The following SRGAP3 variants were observed in gnomAD, a reference collection of about 807,000 sequenced individuals.
SRGAP3 encodes SLIT-ROBO Rho GTPase activating protein 3, also known as SLIT-ROBO Rho GTPase-activating protein 3.
Under a neutral mutation model 121.1 loss-of-function variants are expected in SRGAP3, and 39 were observed. That is an observed-to-expected ratio of 0.32 (90% CI 0.25 to 0.42). The LOEUF is 0.42. Ranked by LOEUF, SRGAP3 falls within the 10% of genes least tolerant of loss-of-function variation. SRGAP3 has a pLI of 1.00. For missense variants in SRGAP3, 1,213 were observed against 1,470.6 expected, an observed-to-expected ratio of 0.82 and a Z score of 2.86; for synonymous variants, 601 against 570.0, an observed-to-expected ratio of 1.05 and a Z score of -0.77.
In SRGAP3 at chr3:9,188,729, T is replaced by C. The variant is rs535845936; in HGVS notation, c.67+60156A>G. Among the ~76,000 whole-genome samples the C allele has an allele frequency of 6.6e-5, 10 of 152,330 alleles. No individual in the cohort carries two copies. In the South Asian group the frequency reaches 2.1e-3, roughly 32 times the overall value. On this transcript the variant is annotated intron_variant, in intron 1 of 21. Coordinates refer to ENST00000383836, the MANE Select transcript of SRGAP3 (RefSeq NM_014850.4). Reference sequence around the variant, plus strand: ...TGTGATCACTTCATTCCCTCCTTGATTGCTTTTCAAAAGCAATCTAAATTA... The same window carrying C: ...TGTGATCACTTCATTCCCTCCTTGACTGCTTTTCAAAAGCAATCTAAATTA...
At chr3:9,215,345 T>A (rs1952580302) in intron 1 of SRGAP3, among the ~76,000 whole-genome samples, 1 of 145,910 alleles carries the variant, frequency 6.9e-6, no homozygotes, top group South Asian at 2.3e-4. Context: ...AAGCCCTCAC[T>A]TTACAGATGG....
chr3:9,131,006 A>C (rs1302410465), intron 1 of SRGAP3, among the ~76,000 whole-genome samples: 2 of 152,228 alleles, frequency 1.3e-5, no homozygotes, highest in African/African-American at 4.8e-5. Context: ...TTCTTGCAGG[A>C]AATGGCCCTG....
intron 3 of SRGAP3, among the ~76,000 whole-genome samples, chr3:9,093,093 C>T (rs1437598449): frequency 6.6e-6 from 1 of 152,148 alleles, no homozygotes; most frequent in Admixed American, 6.5e-5. Flanking sequence ...CTATGAAAAC[C>T]TGAAGCTGCT....
intron 4 of SRGAP3, among the ~76,000 whole-genome samples, chr3:9,073,898 G>A (rs1005457736): frequency 6.6e-6 from 1 of 152,214 alleles, no homozygotes; most frequent in Non-Finnish European, 1.5e-5. Context: ...AAGGAGACAT[G>A]GCTAACTGGA....
At chr3:9,292,825 G>A (rs1261068669) in intron 3 of SRGAP3, 1 of 151,962 alleles carries the variant, frequency 6.6e-6, no homozygotes, top group Non-Finnish European at 1.5e-5. Flanking sequence ...TGCTCTCTAA[G>A]ACCCTTGGGA....
intron 3 of SRGAP3, among the ~76,000 whole-genome samples, chr3:9,308,714 A>T (rs1955196711): frequency 6.6e-6 from 1 of 152,184 alleles, no homozygotes; most frequent in Non-Finnish European, 1.5e-5. Flanking sequence ...TATAAAAGGA[A>T]GCAGAGGCTG....
intron 3 of SRGAP3, among the ~76,000 whole-genome samples, chr3:9,305,361 CTCT>C (rs1396981061): frequency 3.9e-4 from 49 of 125,680 alleles, no homozygotes; most frequent in African/African-American, 1.6e-3. Context: ...AGGAGGTCCT[CTCT>C]TTTTTTTTTT....
chr3:9,194,656 G>A (rs1049781919), intron 1 of SRGAP3, among the ~76,000 whole-genome samples: 3 of 152,326 alleles, frequency 2.0e-5, no homozygotes, highest in Admixed American at 2.0e-4. Context: ...AAACAGAGAT[G>A]TAAAACAACC....
At chr3:9,360,274 T>C (rs2030724434) in intron 1 of SRGAP3, among the ~76,000 whole-genome samples, 1 of 152,200 alleles carries the variant, frequency 6.6e-6, no homozygotes. Context: ...TCTTCTTGGG[T>C]ATAAAGCTAT....
chr3:9,285,881 G>A (rs899338197), intron 3 of SRGAP3, among the ~76,000 whole-genome samples: 3 of 152,064 alleles, frequency 2.0e-5, no homozygotes, highest in African/African-American at 7.2e-5. Context: ...GCTGAGGTGG[G>A]AGGATCGATT....
rs1305812976 is a variant in SRGAP3, at chr3:9,009,124, T to C, written c.2227+1184A>G. On this transcript the variant is annotated intron_variant, in intron 18 of 21. Transcript: ENST00000383836. The stretch of plus-strand genomic sequence containing the variant: ...ATAGGAACTTACTCTCTCTTAAGCT[T>C]AAGTTGATTTGAGTTGGGGGTTCTG... Among the ~76,000 whole-genome samples the C allele has an allele frequency of 2.6e-5, 4 of 152,284 alleles. No homozygotes were observed. The East Asian group carries it at 7.7e-4, about 29-fold the overall frequency.
intron 3 of SRGAP3, among the ~76,000 whole-genome samples, chr3:9,254,895 A>AAGG (rs1559245473): frequency 8.7e-5 from 13 of 149,172 alleles, no homozygotes; most frequent in East Asian, 2.0e-4. Flanking sequence ...GAAAGAAAAG[A>AAGG]AAGGAAGGAA....
chr3:9,213,414 G>A (rs1952511395), intron 1 of SRGAP3, among the ~76,000 whole-genome samples: 1 of 152,022 alleles, frequency 6.6e-6, no homozygotes. Context: ...AGAGCAAAGG[G>A]GAAACACAAG....
intron 3 of SRGAP3, among the ~76,000 whole-genome samples, chr3:9,261,644 T>C (rs1954257812): frequency 6.8e-6 from 1 of 146,470 alleles, no homozygotes; most frequent in South Asian, 2.2e-4. Context: ...AAGACAAGAT[T>C]AGAGAAAAAA....
At chr3:9,025,031 A>G (rs1338914252) in intron 14 of SRGAP3, among the ~76,000 whole-genome samples, 6 of 152,202 alleles carry the variant, frequency 3.9e-5, no homozygotes, top group Non-Finnish European at 8.8e-5. Context: ...TTGGCAGGTA[A>G]CAATTAGAAC....
intron 2 of SRGAP3, among the ~76,000 whole-genome samples, chr3:9,123,370 AAAATATAT>A (rs56047910): frequency 0.57 from 77,188 of 136,036 alleles, 20,106 homozygotes; most frequent in Non-Finnish European, 0.59. Flanking sequence ...TCACAATTAA[AAAATATAT>A]ATATATATAT....
Position 9,267,354 on chromosome 3 carries a change from A to G in SRGAP3, n.442+58656T>C, listed in dbSNP as rs140659957. 7.9e-5 allele frequency among the ~76,000 whole-genome samples: 12 copies of G among 152,322 alleles called. No individual in the cohort carries two copies. The East Asian group carries it at 2.1e-3, about 27-fold the overall frequency. ...AAATATGGGATAAAAACCAGAAATGATGGTTGAGAGATGAGATCAACTACA... is the reference window on the plus strand; with the variant it reads ...AAATATGGGATAAAAACCAGAAATGGTGGTTGAGAGATGAGATCAACTACA... On this transcript the variant is annotated intron_variant and non_coding_transcript_variant, in intron 3 of 3. Coordinates refer to the SRGAP3 transcript ENST00000490889.
chr3:8,993,014 C>T lies in SRGAP3; in HGVS notation c.2450G>A (p.Ser817Asn), dbSNP rs1258034813. The change falls in exon 20 of 22, where the codon AGC (serine) becomes AAC (asparagine). Residue 817 changes from serine to asparagine, a missense_variant. Transcript: ENST00000383836. ...FSDSLSQKADSEASSGPLLDD... is the reference protein window; with the variant it reads ...FSDSLSQKADNEASSGPLLDD... ...CAGCAATGGCCCACTGCTGGCCTCG[C>T]TGTCAGCCTTCTGGCTCAGGCTGTC... 1 of 1,614,126 alleles carries T rather than the reference C, an allele frequency of 6.2e-7. No homozygotes were observed. The highest frequency in any genetic ancestry group is 1.3e-5 in the African/African-American group (1 of 74,940).
At chr3:9,116,830 A>G (rs1948822504) in intron 2 of SRGAP3, among the ~76,000 whole-genome samples, 3 of 152,204 alleles carry the variant, frequency 2.0e-5, no homozygotes, top group Admixed American at 2.0e-4. Flanking sequence ...CCTCTGGGCA[A>G]ATTACTTAAT....
Sources: allele counts gnomAD v4.1 joint callset (sites outside exome capture counted in the v4.1 genomes callset), GRCh38; gene constraint gnomAD v4.1.1; transcripts MANE v1.5; gene names NCBI Gene and HGNC (gene_info 2026-07-23, HGNC 2026-07-21).